The following DNAH3 variants were observed in gnomAD, a reference collection of about 807,000 sequenced individuals.
The protein encoded by DNAH3 is axonemal beta dynein heavy chain 3.
DNAH3 carries 332 observed loss-of-function variants against 432.5 expected under a neutral mutation model. The ratio of observed to expected loss-of-function variants is 0.77; its 90% CI spans 0.70 to 0.84. The LOEUF (loss-of-function observed/expected upper bound fraction) is 0.84, where lower values mean the gene tolerates loss of function less well. DNAH3 is among the 40% of genes least tolerant of loss of function. The probability of loss-of-function intolerance (pLI) is 0.00; values close to 1 mark genes in which losing one functional copy is unlikely to be tolerated. For synonymous variants in DNAH3, 1,956 were observed against 1,900.2 expected, an observed-to-expected ratio of 1.03 and a Z score of -0.76; for missense variants, 4,861 against 5,114.0, an observed-to-expected ratio of 0.95 and a Z score of 1.51.
intron 51 of DNAH3, among the ~76,000 whole-genome samples, chr16:20,972,172 A>G (rs145262209): frequency 9.7e-4 from 147 of 152,008 alleles, no homozygotes; most frequent in South Asian, 1.5e-3. Context: ...AGGTTGCCCG[A>G]TGTTTTCCAA....
chr16:21,033,498 T>G (rs57157753), intron 36 of DNAH3, among the ~76,000 whole-genome samples: 4,674 of 152,278 alleles, frequency 0.031, 89 homozygotes, highest in Middle Eastern at 0.058. Context: ...TTTAGTCATT[T>G]GCCCAAGTCT....
chr16:20,962,067 A>G (rs2084847506), intron 53 of DNAH3, among the ~76,000 whole-genome samples: 2 of 150,768 alleles, frequency 1.3e-5, no homozygotes, highest in African/African-American at 4.9e-5. Flanking sequence ...AGGCTGAGGC[A>G]TGAGAATTGC....
In DNAH3 at chr16:20,957,808, C is replaced by CAA. The variant is rs762197650; in HGVS notation, c.10826+1369_10826+1370dup. Among the ~76,000 whole-genome samples the CAA allele has an allele frequency of 3.2e-3, 173 of 53,242 alleles. 7 individuals are homozygous for CAA. Among genetic ancestry groups the CAA allele is most frequent in the Non-Finnish European group, 3.7e-3 (99 of 26,600 alleles). 34.9% of individuals were successfully genotyped at this position (53,242 alleles called of 152,430 possible). ...GGCAATAAGAGCGAAACTCCATCTC[C>CAA]AAAAAAAAAAAAAAAAAAAAAAAAA... is the stretch of plus-strand genomic sequence containing the variant. On this transcript the variant is annotated intron_variant, in intron 54 of 61. Coordinates refer to ENST00000261383, the Ensembl canonical transcript of DNAH3.
At chr16:21,033,075 G>A (rs1314246665) in intron 36 of DNAH3, among the ~76,000 whole-genome samples, 3 of 152,004 alleles carry the variant, frequency 2.0e-5, no homozygotes, top group Non-Finnish European at 2.9e-5. Flanking sequence ...GAAGTGATCC[G>A]CCCGCCTTGG....
intron 20 of DNAH3, among the ~76,000 whole-genome samples, chr16:21,077,893 G>T (rs951155447): frequency 2.0e-5 from 3 of 152,146 alleles, no homozygotes; most frequent in African/African-American, 7.2e-5. Context: ...ACTGGGTATT[G>T]ACACCAATTC....
chr16:21,054,722 G>C (rs1180478354), intron 27 of DNAH3, among the ~76,000 whole-genome samples, 188 bp from the exon 28 acceptor site: 1 of 152,192 alleles, frequency 6.6e-6, no homozygotes, highest in Non-Finnish European at 1.5e-5. Context: ...TATGCTGAAA[G>C]AGGCAAGATT....
At chr16:21,018,547 C>G (rs2087979681) in intron 41 of DNAH3, among the ~76,000 whole-genome samples, 1 of 152,112 alleles carries the variant, frequency 6.6e-6, no homozygotes, top group Non-Finnish European at 1.5e-5. Flanking sequence ...ACTAAGTGAT[C>G]ATTTTGAAGA....
chr16:20,956,388 A>G (rs1356748820), intron 54 of DNAH3, among the ~76,000 whole-genome samples: 1 of 152,176 alleles, frequency 6.6e-6, no homozygotes, highest in East Asian at 1.9e-4. Context: ...GTTCACTGCA[A>G]GCCCCACCAT....
chr16:21,125,394 T>C (rs757508280), intron 8 of DNAH3, 24 bp from the exon 10 acceptor site: 11 of 1,548,064 alleles, frequency 7.1e-6, no homozygotes, highest in South Asian at 5.0e-5. Context: ...AGGGTGTCCA[T>C]GTGAGAAGCT....
At chr16:20,937,090 G>A (rs552365119) in intron 59 of DNAH3, among the ~76,000 whole-genome samples, 77 of 152,114 alleles carry the variant, frequency 5.1e-4, no homozygotes, top group African/African-American at 1.7e-3. Context: ...TTATCTTTCC[G>A]TAATCTGTTT....
At chr16:20,946,819 CTTTTTTT>C (rs71149199) in intron 57 of DNAH3, among the ~76,000 whole-genome samples, 2 of 70,864 alleles carry the variant, frequency 2.8e-5, no homozygotes, top group African/African-American at 5.8e-5. Flanking sequence ...ATTGTGAGTC[CTTTTTTT>C]TTTTTTTTTT....
At chr16:20,991,271 T>C (rs2086545093) in intron 44 of DNAH3, among the ~76,000 whole-genome samples, 1 of 152,098 alleles carries the variant, frequency 6.6e-6, no homozygotes, top group African/African-American at 2.4e-5. Context: ...TGCCTTTTTT[T>C]TTTTCTTTTC....
In DNAH3 at chr16:21,097,352, T is replaced by C. The variant is rs768239953; in HGVS notation, c.2665+3A>G. ...GTCCCAGCAGAGTGAGATCACCACA[T>C]ACCATTCATCCATTCCTCTGACTTG... On this transcript the variant is annotated splice_donor_region_variant and intron_variant, in intron 18 of 61. Coordinates refer to ENST00000261383, the Ensembl canonical transcript of DNAH3. 1.9e-6 allele frequency: 3 copies of C among 1,613,360 alleles called. No individual in the cohort carries two copies. The highest frequency in any genetic ancestry group is 8.5e-7 in the Non-Finnish European group (1 of 1,179,900).
At chr16:20,988,187 G>A in intron 44 of DNAH3, 122 bp from the exon 45 acceptor site, 4 of 1,226,562 alleles carry the variant, frequency 3.3e-6, no homozygotes, top group South Asian at 1.5e-5. Flanking sequence ...GCTGTGCTGT[G>A]CAATATGGCA....
chr16:21,157,610 G>A (rs2152838760), intron 1 of DNAH3, among the ~76,000 whole-genome samples: 1 of 152,226 alleles, frequency 6.6e-6, no homozygotes, highest in East Asian at 1.9e-4. Flanking sequence ...GATTATAGGT[G>A]TGAGCCACCG....
chr16:21,016,795 T>C (rs1044707368), intron 41 of DNAH3, among the ~76,000 whole-genome samples: 32 of 152,162 alleles, frequency 2.1e-4, no homozygotes, highest in African/African-American at 7.0e-4. Flanking sequence ...CAAAACGTGG[T>C]GTATACATGA....
intron 7 of DNAH3, among the ~76,000 whole-genome samples, chr16:21,130,557 A>C (rs1178664728): frequency 6.6e-6 from 1 of 152,140 alleles, no homozygotes; most frequent in Admixed American, 6.5e-5. Context: ...CACCCACCTC[A>C]GCCTCCCAAG....
chr16:21,046,711 T>C (rs940850051), intron 31 of DNAH3, among the ~76,000 whole-genome samples: 7 of 152,166 alleles, frequency 4.6e-5, no homozygotes, highest in African/African-American at 1.4e-4. Flanking sequence ...AATTTGATCC[T>C]GTCATGATGA....
At chr16:21,008,383 T>C (rs1365920981) in intron 41 of DNAH3, among the ~76,000 whole-genome samples, 1 of 152,128 alleles carries the variant, frequency 6.6e-6, no homozygotes, top group Non-Finnish European at 1.5e-5. Flanking sequence ...ATCCATAGGG[T>C]TGGGTAAAGG....
Sources: gnomAD v4.1 joint callset for allele counts (sites outside exome capture counted in the v4.1 genomes callset) on GRCh38, gnomAD v4.1.1 for gene constraint, MANE v1.5 for transcripts, NCBI Gene and HGNC (gene_info 2026-07-23, HGNC 2026-07-21) for gene names.